Variants in ZDHHC20 observed in about 807,000 individuals in gnomAD.
The protein encoded by ZDHHC20 is zDHHC palmitoyltransferase 20, also known as palmitoyltransferase ZDHHC20.
Under a neutral mutation model 57.8 loss-of-function variants are expected in ZDHHC20, and 43 were observed. The observed-to-expected ratio is 0.74, with a 90% CI of 0.58 to 0.96. The LOEUF is 0.96. Among genes scored for constraint, ZDHHC20 ranks in the 40% least tolerant of loss-of-function variants. The pLI, the probability that ZDHHC20 is intolerant of heterozygous loss-of-function variation, is 0.00. For missense variants in ZDHHC20, 391 were observed against 441.1 expected, an observed-to-expected ratio of 0.89 and a Z score of 1.02; for synonymous variants, 157 against 153.0, an observed-to-expected ratio of 1.03 and a Z score of -0.19.
chr13:21,420,355 T>C (rs1880511836), intron 3 of ZDHHC20, among the ~76,000 whole-genome samples: 1 of 152,156 alleles, frequency 6.6e-6, no homozygotes, highest in Non-Finnish European at 1.5e-5. Flanking sequence ...TTTACAAACA[T>C]CCTACAGAGA....
At chr13:21,429,063 T>C (rs1019626999) in intron 1 of ZDHHC20, among the ~76,000 whole-genome samples, 4 of 152,314 alleles carry the variant, frequency 2.6e-5, no homozygotes, top group African/African-American at 9.6e-5. Context: ...CTATGTCCTA[T>C]TCTTCACTTC....
chr13:21,398,039 T>C (rs1877068760), intron 7 of ZDHHC20, among the ~76,000 whole-genome samples: 1 of 152,236 alleles, frequency 6.6e-6, no homozygotes, highest in Non-Finnish European at 1.5e-5. Context: ...ACATCAATCC[T>C]ATAAGTTATT....
At chr13:21,447,553 G>A (rs551038828) in intron 1 of ZDHHC20, among the ~76,000 whole-genome samples, 134 of 146,992 alleles carry the variant, frequency 9.1e-4, no homozygotes, top group African/African-American at 3.3e-3. Context: ...CGAGGTGCCG[G>A]GATTGCAGAG....
chr13:21,411,145 G>A (rs1315175075), intron 4 of ZDHHC20, among the ~76,000 whole-genome samples: 3 of 152,218 alleles, frequency 2.0e-5, no homozygotes, highest in South Asian at 2.1e-4. Flanking sequence ...CTTCCCGGGT[G>A]AGGCGACGCC....
chr13:21,456,408 C>T (rs1289267158), intron 1 of ZDHHC20, among the ~76,000 whole-genome samples: 1 of 152,028 alleles, frequency 6.6e-6, no homozygotes, highest in Non-Finnish European at 1.5e-5. Flanking sequence ...GAAACTCTGG[C>T]TCAAAAAATA....
intron 1 of ZDHHC20, among the ~76,000 whole-genome samples, chr13:21,437,255 T>C (rs1179589390): frequency 6.6e-6 from 1 of 152,214 alleles, no homozygotes; most frequent in Admixed American, 6.5e-5. Flanking sequence ...AACACAAAAG[T>C]ACAGGACGAA....
chr13:21,376,795 A>G (rs9580093), intron 12 of ZDHHC20, 140 bp from the exon 13 acceptor site: 91,978 of 440,880 alleles, frequency 0.21, 11,181 homozygotes, highest in African/African-American at 0.25. Flanking sequence ...TACTAATATT[A>G]TAACAATAAA....
intron 7 of ZDHHC20, among the ~76,000 whole-genome samples, chr13:21,396,149 T>C (rs1043749332): frequency 1.3e-5 from 2 of 152,314 alleles, no homozygotes; most frequent in African/African-American, 2.4e-5. Flanking sequence ...ATAAAGGCTC[T>C]GGTTCCCACG....
chr13:21,450,516 C>T (rs1566118881), intron 1 of ZDHHC20, among the ~76,000 whole-genome samples: 1 of 152,002 alleles, frequency 6.6e-6, no homozygotes, highest in Non-Finnish European at 1.5e-5. Flanking sequence ...CTCTCTCAGA[C>T]CAGTATGCTA....
intron 4 of ZDHHC20, among the ~76,000 whole-genome samples, chr13:21,403,448 A>G (rs781687726): frequency 4.6e-5 from 7 of 152,216 alleles, no homozygotes; most frequent in Non-Finnish European, 7.3e-5. Flanking sequence ...AATGTATGGA[A>G]CACCTGCTAG....
In ZDHHC20 at chr13:21,372,898, T is replaced by A. The variant is rs1274666757; in HGVS notation, c.*3798A>T. 6.6e-6 allele frequency: 1 copy of A among 152,208 alleles called. No individual in the cohort carries two copies. The highest frequency in any genetic ancestry group is 6.5e-5 in the Admixed American group (1 of 15,274). The allele number at this position is 152,208 out of a possible 1,614,324, so 9.4% of individuals were successfully genotyped here. A position where few individuals can be genotyped will look rare whatever the true frequency, so the allele number is the denominator to read the frequency against. The stretch of plus-strand genomic sequence containing the variant: ...GTCATGTACAAATATACCTAATAGC[T>A]TTCTTCATCTTTTAATACAAGTACA... On this transcript the variant is annotated 3_prime_UTR_variant, in exon 13 of 13. Coordinates refer to ENST00000400590, the MANE Select transcript of ZDHHC20 (RefSeq NM_001330059.2).
chr13:21,380,593 A>C (rs1873176574), intron 11 of ZDHHC20, among the ~76,000 whole-genome samples: 1 of 151,636 alleles, frequency 6.6e-6, no homozygotes, highest in South Asian at 2.1e-4. Flanking sequence ...GGAGATCGAG[A>C]CCATCCTGGC....
intron 1 of ZDHHC20, among the ~76,000 whole-genome samples, chr13:21,454,324 T>G (rs1884726511): frequency 6.6e-6 from 1 of 151,574 alleles, no homozygotes; most frequent in African/African-American, 2.4e-5. Flanking sequence ...AGACTCCATC[T>G]CAAAACAAAA....
intron 1 of ZDHHC20, among the ~76,000 whole-genome samples, chr13:21,434,984 A>C (rs1882395234): frequency 6.6e-6 from 1 of 152,168 alleles, no homozygotes; most frequent in African/African-American, 2.4e-5. Flanking sequence ...ACCAAAAGTA[A>C]ATCTGTCCAC....
intron 1 of ZDHHC20, among the ~76,000 whole-genome samples, chr13:21,429,824 T>A (rs1305353093): frequency 6.6e-6 from 1 of 152,204 alleles, no homozygotes; most frequent in Non-Finnish European, 1.5e-5. Context: ...ATTGGGTAAT[T>A]TCTAATGTTT....
In ZDHHC20 at chr13:21,454,187, G is replaced by A. The variant is rs149787635; in HGVS notation, c.118+4867C>T. On this transcript the variant is annotated intron_variant, in intron 1 of 12. Transcript: ENST00000400590. Reference sequence around the variant, plus strand: ...CTAAAAATACAAAAATTAGCCGGGCGTGGTGGCACATGCCTATAATCCCAG... The same window carrying A: ...CTAAAAATACAAAAATTAGCCGGGCATGGTGGCACATGCCTATAATCCCAG... 5.1e-3 allele frequency among the ~76,000 whole-genome samples: 780 copies of A among 152,198 alleles called. 10 individuals are homozygous for A. Among genetic ancestry groups the A allele is most frequent in the African/African-American group, 0.018 (743 of 41,528 alleles).
intron 11 of ZDHHC20, among the ~76,000 whole-genome samples, chr13:21,379,775 C>T (rs1254943546): frequency 2.0e-5 from 3 of 151,684 alleles, no homozygotes; most frequent in Admixed American, 1.3e-4. Flanking sequence ...GATTAAGAGT[C>T]ACCTAGAAAA....
intron 1 of ZDHHC20, among the ~76,000 whole-genome samples, chr13:21,443,599 T>A (rs1883393509): frequency 6.6e-6 from 1 of 152,186 alleles, no homozygotes; most frequent in African/African-American, 2.4e-5. Flanking sequence ...TGTGGAAAGG[T>A]CTGAATTGAG....
intron 1 of ZDHHC20, among the ~76,000 whole-genome samples, chr13:21,447,208 T>A (rs916890433): frequency 6.4e-5 from 9 of 141,632 alleles, no homozygotes; most frequent in Non-Finnish European, 1.2e-4. Flanking sequence ...GTGCGGGCTG[T>A]GAGAGAGGGA....
Sources: allele counts gnomAD v4.1 joint callset (sites outside exome capture counted in the v4.1 genomes callset), GRCh38; gene constraint gnomAD v4.1.1; transcripts MANE v1.5; gene names NCBI Gene and HGNC (gene_info 2026-07-23, HGNC 2026-07-21).